The following SYT2 variants were observed in gnomAD, a reference collection of about 807,000 sequenced individuals.
SYT2 encodes synaptotagmin 2, also known as synaptotagmin-2.
In SYT2, 15 loss-of-function variants were observed where a neutral mutation model predicts 39.9. The observed-to-expected ratio is 0.38, with a 90% CI of 0.25 to 0.58. SYT2 has a LOEUF of 0.58. Ranked by LOEUF, SYT2 falls within the 20% of genes least tolerant of loss-of-function variation. SYT2 has a pLI of 0.70. For missense variants in SYT2, 389 were observed against 530.3 expected (o/e 0.73, Z 2.62); for synonymous variants, 181 against 204.5 (o/e 0.89, Z 0.98).
chr1:202,618,985 C>T (rs550507879), intron 1 of SYT2, among the ~76,000 whole-genome samples: 5 of 152,312 alleles, frequency 3.3e-5, no homozygotes, highest in Admixed American at 6.5e-5. Context: ...TGTCCAAGGT[C>T]GCACAGGCAT....
intron 1 of SYT2, among the ~76,000 whole-genome samples, chr1:202,612,227 G>A (rs1690900637): frequency 1.3e-5 from 2 of 151,796 alleles, no homozygotes; most frequent in African/African-American, 2.4e-5. Flanking sequence ...GTTTATTTCT[G>A]GACTCTCAAT....
chr1:202,623,486 A>G lies in SYT2; in HGVS notation c.-17-17697T>C, dbSNP rs1331118974. On this transcript the variant is annotated intron_variant, in intron 1 of 8. Coordinates refer to ENST00000367268, the MANE Select transcript of SYT2 (RefSeq NM_177402.5). This position sits in a 1 kb window ranked among gnomAD's most constrained non-coding sequence, Gnocchi z 4.2. Reference sequence around the variant, plus strand: ...ACCCCACAACATCTCCCAAACCCACAGGCAGCTGTCCTGGGGCGGAGGAGA... The same window carrying G: ...ACCCCACAACATCTCCCAAACCCACGGGCAGCTGTCCTGGGGCGGAGGAGA... 6.6e-6 allele frequency among the ~76,000 whole-genome samples: 1 copy of G among 152,164 alleles called. No individual in the cohort carries two copies. Among genetic ancestry groups the G allele is most frequent in the African/African-American group, 2.4e-5 (1 of 41,448 alleles).
At chr1:202,692,922 G>C (rs1290118568) in intron 1 of SYT2, among the ~76,000 whole-genome samples, 1 of 152,076 alleles carries the variant, frequency 6.6e-6, no homozygotes, top group Non-Finnish European at 1.5e-5. Context: ...AAATATTATT[G>C]AAAAAGAAAG....
At chr1:202,694,389 G>T (rs2149118686) in intron 1 of SYT2, among the ~76,000 whole-genome samples, 1 of 152,306 alleles carries the variant, frequency 6.6e-6, no homozygotes, top group East Asian at 1.9e-4. Context: ...TGGCTTGCTG[G>T]CAGGGCAAAT....
Position 202,604,590 on chromosome 1 carries a change from C to A in SYT2, c.210G>T (p.Val70=), listed in dbSNP as rs1480684115. ...LPPWALIAIA[V]VAGLLLLTCC... ...AGGTGAGAAGCAGGAGCCCAGCAAC[C>A]ACAGCAATGGCGATCAGTGCCCAGG... The change falls in exon 3 of 9, where the codon GTG becomes GTT. Residue 70 remains valine (V), a synonymous_variant. Transcript: ENST00000367268. 6.2e-7 allele frequency: 1 copy of A among 1,614,046 alleles called. No individual in the cohort carries two copies. The highest frequency in any genetic ancestry group is 2.2e-5 in the East Asian group (1 of 44,886).
Position 202,600,460 on chromosome 1 carries a change from G to A in SYT2, c.816C>T (p.Gly272=), listed in dbSNP as rs746445612. The A allele has an allele frequency of 3.1e-6, 5 of 1,614,128 alleles. No homozygotes were observed. The highest frequency in any genetic ancestry group is 1.3e-5 in the African/African-American group (1 of 75,040). The change falls in exon 7 of 9, where the codon GGC becomes GGT. Residue 272 remains glycine (G), a synonymous_variant. Coordinates refer to ENST00000367268, the MANE Select transcript of SYT2 (RefSeq NM_177402.5). ...GGEKEEPEKL[G]DICTSLRYVP... ...CATAGCGCAGGGAGGTGCAGATGTC[G>A]CCCAGCTTCTCCGGCTGTCCAGGGG... is the stretch of plus-strand genomic sequence containing the variant.
chr1:202,654,117 C>A (rs1692237639), intron 1 of SYT2, among the ~76,000 whole-genome samples: 1 of 152,186 alleles, frequency 6.6e-6, no homozygotes. Flanking sequence ...TCTGCCCTTG[C>A]CCAGCCACAG....
intron 1 of SYT2, among the ~76,000 whole-genome samples, chr1:202,625,576 C>A (rs1309575713): frequency 7.2e-5 from 11 of 151,906 alleles, no homozygotes; most frequent in Admixed American, 4.6e-4. Flanking sequence ...TTCTTCCCTG[C>A]GGCCCGTTGA....
rs56180154 is a variant in SYT2 at position 202,608,283 on chromosome 1, A to ATTT, written c.-17-2497_-17-2495dup. 7.1e-3 allele frequency among the ~76,000 whole-genome samples: 1,005 copies of ATTT among 141,322 alleles called. 15 individuals are homozygous for ATTT. The highest frequency in any genetic ancestry group is 0.019 in the African/African-American group (718 of 38,250). 92.7% of individuals were successfully genotyped at this position (141,322 alleles called of 152,430 possible). On this transcript the variant is annotated intron_variant, in intron 1 of 8. Coordinates refer to ENST00000367268, the MANE Select transcript of SYT2 (RefSeq NM_177402.5). ...GTATTCCATTGTGTAGATAGAAAAC[A>ATTT]TTTTTTTTTTTTTTTGAGACAGGGT...
rs1263341592 is a variant in SYT2, at chr1:202,632,562, G to A, written c.-17-26773C>T. On this transcript the variant is annotated intron_variant, in intron 1 of 8. Transcript: ENST00000367268. ...TGGAAATGTCAGACCCTGTTCTGTC[G>A]ATGAGAAGACTAAGCCCAGAGGAGG... 2.4e-5 allele frequency: 24 copies of A among 985,304 alleles called. No homozygotes were observed. In the East Asian group the frequency reaches 1.9e-3, roughly 79 times the overall value. The allele number at this position is 985,304 out of a possible 1,614,324, so 61.0% of individuals were successfully genotyped here. A position where few individuals can be genotyped will look rare whatever the true frequency, so the allele number is the denominator to read the frequency against.
Position 202,596,783 on chromosome 1 carries a change from C to G in SYT2, c.1234G>C (p.Asp412His). 3 of 1,614,090 alleles carry G rather than the reference C, an allele frequency of 1.9e-6. No homozygotes were observed. The highest frequency in any genetic ancestry group is 2.5e-6 in the Non-Finnish European group (3 of 1,179,946). ...WHSLKPEEEV[D>H]ALLGKNK ...TACTTGTTCTTGCCCAGGAGTGCAT[C>G]CACCTCCTCCTCAGGCTTGAGCGAG... The change falls in exon 9 of 9, where the codon GAT (aspartate) becomes CAT (histidine). Residue 412 changes from aspartate (D) to histidine (H), a missense_variant. Coordinates refer to ENST00000367268, the MANE Select transcript of SYT2 (RefSeq NM_177402.5).
Position 202,590,802 on chromosome 1 carries a change from C to T in SYT2, c.*5955G>A, listed in dbSNP as rs1298632312. 7 of 152,010 alleles carry T rather than the reference C, an allele frequency of 4.6e-5. No homozygotes were observed. The highest frequency in any genetic ancestry group is 1.3e-4 in the Admixed American group (2 of 15,258). The allele number at this position is 152,010 out of a possible 1,614,324, so 9.4% of individuals were successfully genotyped here. ...AGGGCTCCTGGTGGGCTGACCTTGG[C>T]GAAGCTAGGCTCTGCCAGGCCCTGA... On this transcript the variant is annotated 3_prime_UTR_variant, in exon 9 of 9. Transcript: ENST00000367268.
chr1:202,618,641 C>T (rs940077402), intron 1 of SYT2, among the ~76,000 whole-genome samples: 30 of 152,276 alleles, frequency 2.0e-4, no homozygotes, highest in African/African-American at 6.7e-4. Context: ...CCTAAACCCT[C>T]GAGTTGAGGC....
intron 1 of SYT2, among the ~76,000 whole-genome samples, chr1:202,675,910 A>G (rs1215435926): frequency 6.6e-6 from 1 of 152,210 alleles, no homozygotes; most frequent in Admixed American, 6.5e-5. Context: ...ACTGTGCTAA[A>G]CACTTTGCAT....
chr1:202,696,841 T>A (rs1002105355), intron 1 of SYT2, among the ~76,000 whole-genome samples: 2 of 152,264 alleles, frequency 1.3e-5, no homozygotes, highest in Admixed American at 6.5e-5. Flanking sequence ...ATGGAATGTA[T>A]TTGAAGCAGG....
intron 1 of SYT2, among the ~76,000 whole-genome samples, chr1:202,685,260 G>A (rs1010131662): frequency 5.3e-5 from 8 of 152,168 alleles, no homozygotes; most frequent in Non-Finnish European, 1.2e-4. Flanking sequence ...AAGAGAAATA[G>A]AAGAGGGGGC....
intron 1 of SYT2, among the ~76,000 whole-genome samples, chr1:202,661,830 G>C (rs1692388578): frequency 6.6e-6 from 1 of 152,212 alleles, no homozygotes; most frequent in South Asian, 2.1e-4. Flanking sequence ...ACCCTAATTT[G>C]CTCAAAGTTG....
chr1:202,685,802 C>A (rs1225455900), intron 1 of SYT2, among the ~76,000 whole-genome samples: 2 of 152,124 alleles, frequency 1.3e-5, no homozygotes, highest in East Asian at 3.9e-4. Flanking sequence ...ATGCACATTT[C>A]CCCAGCTCCA....
intron 6 of SYT2, 67 bp from the exon 7 acceptor site, chr1:202,600,541 CT>C (rs1316466700): frequency 6.8e-7 from 1 of 1,470,466 alleles, no homozygotes; most frequent in African/African-American, 1.4e-5. Context: ...TGGCTGACCT[CT>C]TTCTTGCCAA....
Sources: allele counts gnomAD v4.1 joint callset (sites outside exome capture counted in the v4.1 genomes callset), GRCh38; gene constraint gnomAD v4.1.1; non-coding constraint Gnocchi (gnomAD v3.1); transcripts MANE v1.5; gene names NCBI Gene and HGNC (gene_info 2026-07-23, HGNC 2026-07-21).